Variants in FLT1 observed in about 807,000 individuals in gnomAD.
FLT1 encodes the protein fms related receptor tyrosine kinase 1, also known as vascular endothelial growth factor receptor 1.
In FLT1, 49 loss-of-function variants were observed where a neutral mutation model predicts 156.3. The observed-to-expected ratio is 0.31, with a 90% CI of 0.25 to 0.40. The LOEUF is 0.40. Ranked by LOEUF, FLT1 falls within the 10% of genes least tolerant of loss-of-function variation. The pLI, the probability that FLT1 is intolerant of heterozygous loss-of-function variation, is 1.00. For missense variants in FLT1, 1,322 were observed against 1,637.2 expected, an observed-to-expected ratio of 0.81 and a Z score of 3.32; for synonymous variants, 594 against 583.8, an observed-to-expected ratio of 1.02 and a Z score of -0.25.
intron 15 of FLT1, among the ~76,000 whole-genome samples, chr13:28,348,632 G>A (rs562125123): frequency 3.9e-5 from 6 of 152,256 alleles, no homozygotes; most frequent in South Asian, 2.1e-4. Context: ...TTTAGGGGCC[G>A]GGCGCGGTGG....
chr13:28,376,772 G>T (rs1399324326), intron 14 of FLT1, among the ~76,000 whole-genome samples: 1 of 152,176 alleles, frequency 6.6e-6, no homozygotes, highest in Non-Finnish European at 1.5e-5. Flanking sequence ...CCTGGGAAGA[G>T]GGTAAGGTAG....
chr13:28,320,963 GC>G (rs1204816140), intron 23 of FLT1, among the ~76,000 whole-genome samples: 1 of 152,142 alleles, frequency 6.6e-6, no homozygotes, highest in Non-Finnish European at 1.5e-5. Context: ...GCCAGTACGA[GC>G]CAGCGGGGAG....
chr13:28,354,971 A>C (rs1456206298), intron 15 of FLT1, among the ~76,000 whole-genome samples: 1 of 152,216 alleles, frequency 6.6e-6, no homozygotes, highest in Non-Finnish European at 1.5e-5. Context: ...CTGACTTTTC[A>C]GAAAAGCATA....
intron 7 of FLT1, 49 bp downstream of exon 7, chr13:28,431,087 C>T: frequency 6.8e-7 from 1 of 1,476,102 alleles, no homozygotes; most frequent in Non-Finnish European, 9.5e-7. Context: ...CAGACATCTA[C>T]AATGATTAGA....
intron 14 of FLT1, among the ~76,000 whole-genome samples, chr13:28,367,820 A>G (rs1267211863): frequency 6.6e-6 from 1 of 152,196 alleles, no homozygotes; most frequent in Admixed American, 6.5e-5. Flanking sequence ...AGAACATTAT[A>G]TTCATCCACT....
Position 28,412,354 on chromosome 13 carries a change from T to C in FLT1, c.1437-6460A>G, listed in dbSNP as rs200120507. ...CTTTTCTTTCTTTCTTTCTTTCTCTTTCTTTCTTTCTTTCTTTCTTTCTTT... is the reference window on the plus strand; with the variant it reads ...CTTTTCTTTCTTTCTTTCTTTCTCTCTCTTTCTTTCTTTCTTTCTTTCTTT... On this transcript the variant is annotated intron_variant, in intron 10 of 29. Transcript: ENST00000282397. Among the ~76,000 whole-genome samples the C allele has an allele frequency of 2.3e-3, 257 of 111,028 alleles. 2 individuals are homozygous for C. Among genetic ancestry groups the C allele is most frequent in the African/African-American group, 8.0e-3 (219 of 27,208 alleles). 72.8% of individuals were successfully genotyped at this position (111,028 alleles called of 152,430 possible).
intron 25 of FLT1, among the ~76,000 whole-genome samples, chr13:28,317,061 C>T (rs1045402726): frequency 6.6e-6 from 1 of 152,244 alleles, no homozygotes; most frequent in Non-Finnish European, 1.5e-5. Flanking sequence ...CACGGGTGTT[C>T]TGTGCAGACA....
At chr13:28,418,258 G>C (rs1876772058) in intron 10 of FLT1, among the ~76,000 whole-genome samples, 1 of 152,072 alleles carries the variant, frequency 6.6e-6, no homozygotes, top group Non-Finnish European at 1.5e-5. Context: ...TGCAGATCTG[G>C]GGCCCAAGAC....
At chr13:28,325,347 G>C (rs989679705) in intron 20 of FLT1, among the ~76,000 whole-genome samples, 1 of 152,128 alleles carries the variant, frequency 6.6e-6, no homozygotes, top group Non-Finnish European at 1.5e-5. Flanking sequence ...CTCATTTAGT[G>C]TGGTGCACAG....
intron 1 of FLT1, 34 bp downstream of exon 1, chr13:28,494,746 C>T: frequency 6.5e-7 from 1 of 1,527,954 alleles, no homozygotes; most frequent in Non-Finnish European, 8.8e-7. Flanking sequence ...CCATCGCAGC[C>T]CGCCTCAGGC....
rs114287512 is a variant in FLT1 at position 28,382,281 on chromosome 13, G to A, written c.2116+2604C>T. Reference sequence around the variant, plus strand: ...CAAAGGAAGGGAAGGTACTCCAGGCGGAGAGTAAACAGGAACCAAAGAAAG... The same window carrying A: ...CAAAGGAAGGGAAGGTACTCCAGGCAGAGAGTAAACAGGAACCAAAGAAAG... On this transcript the variant is annotated intron_variant, in intron 14 of 29. Coordinates refer to ENST00000282397, the MANE Select transcript of FLT1 (RefSeq NM_002019.4). Among the ~76,000 whole-genome samples the A allele has an allele frequency of 5.3e-5, 8 of 152,288 alleles. No homozygotes were observed. The South Asian group carries it at 6.2e-4, about 12-fold the overall frequency.
intron 10 of FLT1, among the ~76,000 whole-genome samples, chr13:28,417,137 GC>G (rs2137519918): frequency 6.6e-6 from 1 of 152,274 alleles, no homozygotes; most frequent in South Asian, 2.1e-4. Context: ...GAACATCCAG[GC>G]ACTAGCCAGG....
At chr13:28,405,017 C>T (rs1875694113) in intron 11 of FLT1, among the ~76,000 whole-genome samples, 1 of 138,986 alleles carries the variant, frequency 7.2e-6, no homozygotes, top group Admixed American at 7.9e-5. Context: ...GAGACTCCAT[C>T]TCAAAAAAAA....
chr13:28,368,502 T>C, intron 14 of FLT1: 1 of 1,535,454 alleles, frequency 6.5e-7, no homozygotes. Context: ...GATAAGTTCT[T>C]TGAAGTTGAC....
intron 13 of FLT1, chr13:28,388,953 T>C: frequency 9.4e-7 from 1 of 1,064,810 alleles, no homozygotes; most frequent in Non-Finnish European, 1.1e-6. Context: ...AGCAAACCCT[T>C]TGCTAGGCTA....
At chr13:28,444,550 C>A (rs1878506663) in intron 3 of FLT1, among the ~76,000 whole-genome samples, 1 of 152,170 alleles carries the variant, frequency 6.6e-6, no homozygotes, top group Non-Finnish European at 1.5e-5. Context: ...AACACTTCAC[C>A]CATCACAGCA....
At chr13:28,303,495 C>A in intron 29 of FLT1, 127 bp from the exon 30 acceptor site, 4 of 796,410 alleles carry the variant, frequency 5.0e-6, no homozygotes, top group East Asian at 2.7e-5. Flanking sequence ...TTTTGGAACC[C>A]CCCCCCCCTC....
intron 16 of FLT1, among the ~76,000 whole-genome samples, chr13:28,344,697 C>CTTAAT: frequency 6.8e-6 from 1 of 148,056 alleles, no homozygotes; most frequent in East Asian, 2.0e-4. Context: ...CTCTAAAGAA[C>CTTAAT]TTAATTTTGT....
intron 10 of FLT1, among the ~76,000 whole-genome samples, chr13:28,408,639 A>G (rs1875956118): frequency 6.6e-6 from 1 of 152,000 alleles, no homozygotes; most frequent in African/African-American, 2.4e-5. Context: ...TTGAGGGGGG[A>G]GGAAGCCGAA....
Sources: gnomAD v4.1 joint callset for allele counts (sites outside exome capture counted in the v4.1 genomes callset) on GRCh38, gnomAD v4.1.1 for gene constraint, MANE v1.5 for transcripts, NCBI Gene and HGNC (gene_info 2026-07-23, HGNC 2026-07-21) for gene names.